Variants in CLIP4 observed in about 807,000 individuals in gnomAD.
The protein encoded by CLIP4 is CAP-Gly domain-containing linker protein 4.
Under a neutral mutation model 73.1 loss-of-function variants are expected in CLIP4, and 47 were observed. The observed-to-expected ratio is 0.64, with a 90% CI of 0.51 to 0.82. The LOEUF is 0.82. Ranked by LOEUF, CLIP4 falls within the 40% of genes least tolerant of loss-of-function variation. The probability of loss-of-function intolerance (pLI) is 0.00; values close to 1 mark genes in which losing one functional copy is unlikely to be tolerated. For missense variants in CLIP4, 874 were observed against 852.9 expected (o/e 1.02, Z -0.31); for synonymous variants, 306 against 295.4 (o/e 1.04, Z -0.37).
At chr2:29,142,752 GA>G (rs1225957388) in intron 6 of CLIP4, among the ~76,000 whole-genome samples, 3 of 152,116 alleles carry the variant, frequency 2.0e-5, no homozygotes, top group Non-Finnish European at 4.4e-5. Flanking sequence ...TGAAGAAAGG[GA>G]AAAAAGTTTC....
At chr2:29,130,092 C>A in intron 2 of CLIP4, 2 of 470,950 alleles carry the variant, frequency 4.2e-6, no homozygotes, top group Middle Eastern at 6.5e-4. Context: ...GAGTTCTACA[C>A]AGAAGGAGGA....
intron 1 of CLIP4, among the ~76,000 whole-genome samples, chr2:29,119,729 T>A (rs976678321): frequency 2.0e-5 from 3 of 152,160 alleles, no homozygotes; most frequent in African/African-American, 7.2e-5. Context: ...TCCAGCCTAC[T>A]GTTCTTTTAA....
intron 9 of CLIP4, among the ~76,000 whole-genome samples, chr2:29,154,550 A>G (rs1666794967): frequency 6.6e-6 from 1 of 152,140 alleles, no homozygotes; most frequent in Non-Finnish European, 1.5e-5. Flanking sequence ...CAGTCTCAGG[A>G]TTGTATGACA....
chr2:29,145,631 A>T (rs7561223), intron 8 of CLIP4, among the ~76,000 whole-genome samples: 85,542 of 151,904 alleles, frequency 0.56, 25,381 homozygotes, highest in East Asian at 0.91. Flanking sequence ...GAAAGGGAAA[A>T]GGATTTCAGT....
intron 14 of CLIP4, chr2:29,167,787 G>T (rs1667724948): frequency 6.0e-6 from 2 of 334,436 alleles, no homozygotes; most frequent in African/African-American, 4.2e-5. Context: ...TCCTCAGGTG[G>T]AGGAGTCTTG....
intron 15 of CLIP4, among the ~76,000 whole-genome samples, chr2:29,181,044 G>A (rs899341561): frequency 6.6e-6 from 1 of 152,072 alleles, no homozygotes; most frequent in Admixed American, 6.6e-5. Context: ...AAATCAGTGT[G>A]TAACTTTGGA....
intron 1 of CLIP4, among the ~76,000 whole-genome samples, chr2:29,101,375 G>T (rs546731958): frequency 1.3e-5 from 2 of 150,168 alleles, no homozygotes; most frequent in South Asian, 4.2e-4. Flanking sequence ...AGGCCCAATA[G>T]CCCCTGGCAA....
At chr2:29,172,970 G>C (rs1340593330) in intron 14 of CLIP4, among the ~76,000 whole-genome samples, 2 of 151,930 alleles carry the variant, frequency 1.3e-5, no homozygotes, top group Non-Finnish European at 2.9e-5. Flanking sequence ...AATATTTAAA[G>C]TATTATCTTT....
rs767206107 is a variant in CLIP4 at position 29,152,648 on chromosome 2, T to C, written c.1022-37T>C. On this transcript the variant is annotated intron_variant, in intron 8 of 15. Transcript: ENST00000320081. Reference sequence around the variant, plus strand: ...ACTTGTTCCTTTATTTGAAATGTTTTAATTGTTTAACACTAAAATTCTGCA... The same window carrying C: ...ACTTGTTCCTTTATTTGAAATGTTTCAATTGTTTAACACTAAAATTCTGCA... The C allele has an allele frequency of 1.1e-5, 17 of 1,596,944 alleles. No homozygotes were observed. The South Asian group carries it at 1.6e-4, about 15-fold the overall frequency.
intron 1 of CLIP4, among the ~76,000 whole-genome samples, chr2:29,099,370 T>C (rs1447116759): frequency 6.6e-6 from 1 of 151,488 alleles, no homozygotes; most frequent in Non-Finnish European, 1.5e-5. Flanking sequence ...CATTTTGAGT[T>C]AATTTTTGTA....
At position 29,146,365 on chromosome 2, in the gene CLIP4, A is replaced by C. The variant is rs552523980; in HGVS notation, c.1021+998A>C. On this transcript the variant is annotated intron_variant, in intron 8 of 15. Coordinates refer to ENST00000320081, the MANE Select transcript of CLIP4 (RefSeq NM_024692.6). ...AAGAACTTGGAAAACTGGAAAAATC[A>C]AGCAAGGCCAACTTTATGACCGCAT... Among the ~76,000 whole-genome samples the C allele has an allele frequency of 1.8e-4, 28 of 152,288 alleles. No homozygotes were observed. In the South Asian group the frequency reaches 5.0e-3, roughly 27 times the overall value.
chr2:29,143,100 G>A (rs1665885839), intron 6 of CLIP4, among the ~76,000 whole-genome samples: 1 of 152,362 alleles, frequency 6.6e-6, no homozygotes, highest in South Asian at 2.1e-4. Flanking sequence ...AGGTCACAGA[G>A]CCAAGAGGGC....
intron 1 of CLIP4, 142 bp from the exon 2 acceptor site, chr2:29,121,232 A>AT: frequency 1.2e-6 from 1 of 839,676 alleles, no homozygotes; most frequent in Non-Finnish European, 1.8e-6. Context: ...GCCAAAAGGA[A>AT]TTTTTTCCCT....
At chr2:29,132,944 T>C (rs1425455808) in intron 4 of CLIP4, among the ~76,000 whole-genome samples, 1 of 152,160 alleles carries the variant, frequency 6.6e-6, no homozygotes, top group Non-Finnish European at 1.5e-5. Flanking sequence ...TCCCAACACT[T>C]TGGGAGGCCC....
At chr2:29,109,192 C>T (rs1053809506) in intron 1 of CLIP4, among the ~76,000 whole-genome samples, 2 of 152,086 alleles carry the variant, frequency 1.3e-5, no homozygotes, top group Admixed American at 1.3e-4. Context: ...TGGAAACTGG[C>T]TTGTGTTATT....
At chr2:29,130,543 C>G (rs1664900246) in intron 2 of CLIP4, 3 of 813,956 alleles carry the variant, frequency 3.7e-6, no homozygotes, top group African/African-American at 3.7e-5. Flanking sequence ...TAGGTCCTTA[C>G]AGGTTTTCCT....
At chr2:29,110,968 G>A (rs1005400440), upstream of CLIP4, among the ~76,000 whole-genome samples, 1 of 152,124 alleles carries the variant, frequency 6.6e-6, no homozygotes, top group African/African-American at 2.4e-5. Context: ...TTACAGGTGT[G>A]AGCCACCACG....
rs754104523 is a variant in CLIP4, at chr2:29,156,454, T to C, written c.1255+11T>C. On this transcript the variant is annotated intron_variant, in intron 10 of 15. Coordinates refer to ENST00000320081, the MANE Select transcript of CLIP4 (RefSeq NM_024692.6). ...TGACAGAGAAAGATGGTAATATACC[T>C]TGTAACCTCTGTTTCTCAAAATTTA... 2 of 1,519,206 alleles carry C rather than the reference T, an allele frequency of 1.3e-6. No homozygotes were observed. Among genetic ancestry groups the C allele is most frequent in the South Asian group, 2.5e-5 (2 of 79,998 alleles). 94.1% of individuals were successfully genotyped at this position (1,519,206 alleles called of 1,614,324 possible).
At position 29,152,737 on chromosome 2, in the gene CLIP4, T is replaced by C. The variant is rs1283530098; in HGVS notation, c.1074T>C (p.Asn358=). 1 of 1,613,724 alleles carries C rather than the reference T, an allele frequency of 6.2e-7. No individual in the cohort carries two copies. The highest frequency in any genetic ancestry group is 8.5e-7 in the Non-Finnish European group (1 of 1,179,842). ...KISKAKGRRK[N]ITHTPSTKAA... is the part of the protein sequence containing the mutation. Reference sequence around the variant, plus strand: ...GTAAAGCAAAAGGTCGAAGGAAGAATATAACACACACTCCTTCTACAAAAG... The same window carrying C: ...GTAAAGCAAAAGGTCGAAGGAAGAACATAACACACACTCCTTCTACAAAAG... The change falls in exon 9 of 16, where the codon AAT becomes AAC. Residue 358 remains asparagine (N), a synonymous_variant. Transcript: ENST00000320081.
Sources: gnomAD v4.1 joint callset for allele counts (sites outside exome capture counted in the v4.1 genomes callset) on GRCh38, gnomAD v4.1.1 for gene constraint, MANE v1.5 for transcripts, NCBI Gene and HGNC (gene_info 2026-07-23, HGNC 2026-07-21) for gene names.